HACD4: variants seen among roughly 807,000 people sequenced by gnomAD.
HACD4 encodes the protein 3-hydroxyacyl-CoA dehydratase 4, also known as very-long-chain (3R)-3-hydroxyacyl-CoA dehydratase 4.
A neutral mutation model predicts 33.3 loss-of-function variants in HACD4; 35 were observed. That is an observed-to-expected ratio of 1.05 (90% confidence interval 0.80 to 1.39). HACD4 has a LOEUF of 1.39. Among genes scored for constraint, HACD4 ranks in the 40% most tolerant of loss-of-function variants. The pLI, the probability that HACD4 is intolerant of heterozygous loss-of-function variation, is 0.00. For synonymous variants in HACD4, 118 were observed against 98.0 expected, an observed-to-expected ratio of 1.20 and a Z score of -1.21; for missense variants, 323 against 276.5, an observed-to-expected ratio of 1.17 and a Z score of -1.19.
intron 3 of HACD4, among the ~76,000 whole-genome samples, chr9:21,020,568 T>C (rs1817882703): frequency 6.6e-6 from 1 of 152,232 alleles, no homozygotes; most frequent in African/African-American, 2.4e-5. Context: ...ATCAACTAGT[T>C]TTCCAATTCA....
chr9:21,027,245 C>A (rs944345600), intron 2 of HACD4, among the ~76,000 whole-genome samples: 4 of 152,106 alleles, frequency 2.6e-5, no homozygotes, highest in Non-Finnish European at 5.9e-5. Flanking sequence ...TTGGTTAGTG[C>A]TTTTCTGGAT....
chr9:21,029,723 AGC>A (rs1188315621), intron 1 of HACD4, among the ~76,000 whole-genome samples: 4 of 152,222 alleles, frequency 2.6e-5, no homozygotes, highest in Non-Finnish European at 4.4e-5. Context: ...ATCACAGCTT[AGC>A]CTAGTCTACC....
At chr9:21,021,792 T>C (rs569201114) in intron 3 of HACD4, among the ~76,000 whole-genome samples, 70 of 152,126 alleles carry the variant, frequency 4.6e-4, no homozygotes, top group African/African-American at 1.6e-3. Context: ...ATCGTGAAAA[T>C]GGCCATACTG....
chr9:21,017,581 A>C (rs1258748744), intron 3 of HACD4, among the ~76,000 whole-genome samples: 1 of 152,134 alleles, frequency 6.6e-6, no homozygotes, highest in Non-Finnish European at 1.5e-5. Context: ...CTTACATTTG[A>C]TCAGTGCTTG....
At chr9:21,025,438 A>C (rs1444905761) in intron 3 of HACD4, among the ~76,000 whole-genome samples, 2 of 152,108 alleles carry the variant, frequency 1.3e-5, no homozygotes, top group African/African-American at 4.8e-5. Context: ...AGGTGCTGGC[A>C]ACACCATAAA....
In HACD4 at chr9:21,007,000, G is replaced by T; in HGVS notation, c.*37C>A. 1.8e-6 allele frequency: 2 copies of T among 1,138,838 alleles called. No individual in the cohort carries two copies. Among genetic ancestry groups the T allele is most frequent in the South Asian group, 1.2e-5 (1 of 81,522 alleles). The allele number at this position is 1,138,838 out of a possible 1,614,324, so 70.5% of individuals were successfully genotyped here. ...TTTTATTTACTGCACTGAATCCACA[G>T]CCTGTCTTTTCTCGTGTCACACTGG... On this transcript the variant is annotated 3_prime_UTR_variant, in exon 7 of 7. Coordinates refer to ENST00000495827, the MANE Select transcript of HACD4 (RefSeq NM_001010915.5). The surrounding 1 kb of genome is among the most constrained non-coding windows in gnomAD (Gnocchi z 4.6).
At chr9:21,019,235 C>T (rs4977634) in intron 3 of HACD4, among the ~76,000 whole-genome samples, 149,084 of 152,202 alleles carry the variant, frequency 0.98, 73,115 homozygotes, top group East Asian at 1. Flanking sequence ...ATTTATATTA[C>T]ACTTGGTGAA....
rs1180974450 is a variant in HACD4, at chr9:21,003,029, T to G, written c.*4008A>C. 1 of 152,178 alleles carries G rather than the reference T, an allele frequency of 6.6e-6. No homozygotes were observed. Among genetic ancestry groups the G allele is most frequent in the East Asian group, 1.9e-4 (1 of 5,202 alleles). The allele number at this position is 152,178 out of a possible 1,614,324, so 9.4% of individuals were successfully genotyped here. On this transcript the variant is annotated 3_prime_UTR_variant, in exon 7 of 7. Coordinates refer to ENST00000495827, the MANE Select transcript of HACD4 (RefSeq NM_001010915.5). ...CACCTTTATTTTCACTAATTGATAATGAAATTTAGTATTCCTTTCCATTGT... is the reference window on the plus strand; with the variant it reads ...CACCTTTATTTTCACTAATTGATAAGGAAATTTAGTATTCCTTTCCATTGT...
At chr9:21,011,823 A>T in intron 4 of HACD4, 128 bp from the exon 5 acceptor site, 2 of 576,024 alleles carry the variant, frequency 3.5e-6, no homozygotes, top group South Asian at 5.0e-5. Context: ...TATTTCCTAT[A>T]ATTTAAGGAA....
chr9:21,029,217 T>C (rs1818141727), intron 2 of HACD4, 78 bp downstream of exon 2: 1 of 831,304 alleles, frequency 1.2e-6, no homozygotes, highest in African/African-American at 1.7e-5. Context: ...TTGAGGTGTG[T>C]AGAAATTTAA....
rs200743675 is a variant in HACD4, at chr9:21,026,596, C to A, written c.270G>T (p.Gln90His). 20 of 1,607,310 alleles carry A rather than the reference C, an allele frequency of 1.2e-5. No homozygotes were observed. The highest frequency in any genetic ancestry group is 1.5e-5 in the Non-Finnish European group (18 of 1,176,618). Residue 90 changes from glutamine to histidine, a missense_variant and splice_region_variant, in exon 3 of 7, where the codon CAG becomes CAT. By Grantham distance (24) the Gln-to-His change is conservative. Transcript: ENST00000495827. ...ESNHLLPRFL[Q>H]LTERIIILFV... ...ATAATAATATGTGATTCAAACCTAC[C>A]TGCAAAAACCTTGGGAGAAGATGGT...
Position 21,007,104 on chromosome 9 carries a change from T to C in HACD4, c.632A>G (p.Tyr211Cys). ...TCTTCTTTCTGAGTATAGATGACTG[T>C]AGGTAAAATACATACCTAATATGGA... ...MMLFIGMYFT[Y>C]SHLYSERRDI... Residue 211 changes from tyrosine (Y) to cysteine (C), a missense_variant, in exon 7 of 7, where the codon TAC (tyrosine) becomes TGC (cysteine). Transcript: ENST00000495827. The C allele has an allele frequency of 6.5e-7, 1 of 1,542,884 alleles. No homozygotes were observed. Among genetic ancestry groups the C allele is most frequent in the Non-Finnish European group, 9.0e-7 (1 of 1,115,156 alleles).
chr9:21,021,989 G>A (rs961519821), intron 3 of HACD4, among the ~76,000 whole-genome samples: 5 of 152,010 alleles, frequency 3.3e-5, no homozygotes, highest in African/African-American at 7.2e-5. Context: ...ATACTACAAG[G>A]CTACAGTAAC....
At chr9:21,019,378 T>G (rs915877032) in intron 3 of HACD4, among the ~76,000 whole-genome samples, 1 of 152,110 alleles carries the variant, frequency 6.6e-6, no homozygotes, top group Non-Finnish European at 1.5e-5. Context: ...GAGATAATAA[T>G]TAGCATCTAT....
chr9:21,005,349 A>C lies in HACD4; in HGVS notation c.*1688T>G, dbSNP rs527596818. The C allele has an allele frequency of 6.6e-6, 1 of 152,238 alleles. No homozygotes were observed. The highest frequency in any genetic ancestry group is 6.5e-5 in the Admixed American group (1 of 15,280). 9.4% of individuals were successfully genotyped at this position (152,238 alleles called of 1,614,324 possible). A position where few individuals can be genotyped will look rare whatever the true frequency, so the allele number is the denominator to read the frequency against. The stretch of plus-strand genomic sequence containing the variant: ...AAATTATCAGTCTGTCTGCATTACA[A>C]AAAGATAAGAAAACACGTTTGGTAG... On this transcript the variant is annotated 3_prime_UTR_variant, in exon 7 of 7. Coordinates refer to ENST00000495827, the MANE Select transcript of HACD4 (RefSeq NM_001010915.5). The surrounding 1 kb of genome is among the most constrained non-coding windows in gnomAD (Gnocchi z 4.0).
At position 21,031,558 on chromosome 9, in the gene HACD4, C is replaced by A. The variant is rs1818223938; in HGVS notation, c.33G>T (p.Gln11His). Reference protein sequence around the residue: MGPLALPAWLQPRYRKNAYLF... With the variant: MGPLALPAWLHPRYRKNAYLF... ...GATTCGGCCGAGCGCCCTACCTGGG[C>A]TGCAGCCAGGCGGGCAGCGCCAAGG... Residue 11 changes from glutamine (Q) to histidine (H), a missense_variant, in exon 1 of 7, where the codon CAG becomes CAT. Physicochemically the swap from Gln to His is conservative, Grantham distance 24. Coordinates refer to ENST00000495827, the MANE Select transcript of HACD4 (RefSeq NM_001010915.5). 8 of 1,457,968 alleles carry A rather than the reference C, an allele frequency of 5.5e-6. No homozygotes were observed. The highest frequency in any genetic ancestry group is 6.3e-6 in the Non-Finnish European group (7 of 1,111,776). 90.3% of individuals were successfully genotyped at this position (1,457,968 alleles called of 1,614,324 possible).
In HACD4 at chr9:21,006,309, C is replaced by G. The variant is rs538375524; in HGVS notation, c.*728G>C. On this transcript the variant is annotated 3_prime_UTR_variant, in exon 7 of 7. Transcript: ENST00000495827. This position sits in a 1 kb window ranked among gnomAD's most constrained non-coding sequence, Gnocchi z 4.6. The stretch of plus-strand genomic sequence containing the variant: ...AAGAGACATAAGAGAGTTGATCTCT[C>G]TCTCATGTGAGGACAAAGAAGGACA... 1 of 152,502 alleles carries G rather than the reference C, an allele frequency of 6.6e-6. No homozygotes were observed. The highest frequency in any genetic ancestry group is 1.9e-4 in the East Asian group (1 of 5,174). The allele number at this position is 152,502 out of a possible 1,614,324, so 9.4% of individuals were successfully genotyped here.
chr9:21,006,815 A>G lies in HACD4; in HGVS notation c.*222T>C, dbSNP rs1041605126. ...TGTATAAAATCCAAATGAAGCAGGA[A>G]TTTTGGTGAAGCAGGGTATGGAGAA... On this transcript the variant is annotated 3_prime_UTR_variant, in exon 7 of 7. Coordinates refer to ENST00000495827, the MANE Select transcript of HACD4 (RefSeq NM_001010915.5). This position sits in a 1 kb window ranked among gnomAD's most constrained non-coding sequence, Gnocchi z 4.6. 4 of 497,888 alleles carry G rather than the reference A, an allele frequency of 8.0e-6. No individual in the cohort carries two copies. Among genetic ancestry groups the G allele is most frequent in the Admixed American group, 7.2e-5 (2 of 27,822 alleles). 30.8% of individuals were successfully genotyped at this position (497,888 alleles called of 1,614,324 possible). A position where few individuals can be genotyped will look rare whatever the true frequency, so the allele number is the denominator to read the frequency against.
intron 1 of HACD4, 39 bp downstream of exon 1, chr9:21,031,514 C>A: frequency 6.9e-7 from 1 of 1,455,892 alleles, no homozygotes; most frequent in Non-Finnish European, 9.0e-7. Flanking sequence ...GGCCCTCCAC[C>A]CGCGCCCCCT....
Sources: allele counts gnomAD v4.1 joint callset (sites outside exome capture counted in the v4.1 genomes callset), GRCh38; gene constraint gnomAD v4.1.1; non-coding constraint Gnocchi (gnomAD v3.1); transcripts MANE v1.5; gene names NCBI Gene and HGNC (gene_info 2026-07-23, HGNC 2026-07-21).